BRSK2: variants seen among roughly 807,000 people sequenced by gnomAD.
BRSK2 encodes the protein BR serine/threonine kinase 2, also known as serine/threonine-protein kinase BRSK2.
Under a neutral mutation model 83.3 loss-of-function variants are expected in BRSK2, and 19 were observed. The ratio of observed to expected loss-of-function variants is 0.23; its 90% CI spans 0.16 to 0.33. BRSK2 has a LOEUF of 0.33. Ranked by LOEUF, BRSK2 falls within the 10% of genes least tolerant of loss-of-function variation. The pLI, the probability that BRSK2 is intolerant of heterozygous loss-of-function variation, is 1.00. For synonymous variants in BRSK2, 519 were observed against 435.4 expected (o/e 1.19, Z -2.39); for missense variants, 798 against 1,042.3 (o/e 0.77, Z 3.23).
chr11:1,434,078 G>A (rs1849949669), intron 1 of BRSK2, among the ~76,000 whole-genome samples: 1 of 152,254 alleles, frequency 6.6e-6, no homozygotes, highest in Non-Finnish European at 1.5e-5. Flanking sequence ...AAAATCAAAG[G>A]GCTCTTGCAA....
intron 1 of BRSK2, among the ~76,000 whole-genome samples, chr11:1,395,596 T>TG (rs1359042023): frequency 1.3e-5 from 2 of 152,204 alleles, no homozygotes; most frequent in Non-Finnish European, 2.9e-5. Context: ...GCCCTTGTCC[T>TG]GTCCCCACCC....
At chr11:1,443,949 T>C (rs569956281) in intron 8 of BRSK2, among the ~76,000 whole-genome samples, 35 of 152,050 alleles carry the variant, frequency 2.3e-4, no homozygotes, top group African/African-American at 7.2e-4. Context: ...CATGCCCAGG[T>C]GTGTGTTCAA....
intron 1 of BRSK2, among the ~76,000 whole-genome samples, chr11:1,392,040 GC>G (rs1262031267): frequency 1.3e-5 from 2 of 152,210 alleles, no homozygotes; most frequent in Non-Finnish European, 2.9e-5. Flanking sequence ...GCACAAAGCG[GC>G]CCCTCTCTCC....
At chr11:1,447,638 C>T (rs998640472) in intron 12 of BRSK2, among the ~76,000 whole-genome samples, 6 of 152,252 alleles carry the variant, frequency 3.9e-5, no homozygotes, top group East Asian at 1.9e-4. Flanking sequence ...TCACACGGTG[C>T]GGGGTGTGCT....
intron 1 of BRSK2, among the ~76,000 whole-genome samples, chr11:1,434,510 G>A (rs756549262): frequency 3.6e-5 from 5 of 138,000 alleles, no homozygotes; most frequent in Non-Finnish European, 7.7e-5. Flanking sequence ...AACCTGGGCC[G>A]GCTCTGGGTG....
In BRSK2 at chr11:1,442,481, C is replaced by T. The variant is rs1851479480; in HGVS notation, c.414-9C>T. ...TGGCCCTGTTCAGCCTCACCACCCT[C>T]CTCCCCAGCCACAGGGATCTGAAAC... is the stretch of plus-strand genomic sequence containing the variant. On this transcript the variant is annotated splice_polypyrimidine_tract_variant and intron_variant, in intron 4 of 19. Coordinates refer to ENST00000528841, the MANE Select transcript of BRSK2 (RefSeq NM_001256627.2). The T allele has an allele frequency of 1.2e-6, 2 of 1,609,274 alleles. No homozygotes were observed. Among genetic ancestry groups the T allele is most frequent in the Admixed American group, 1.7e-5 (1 of 59,948 alleles).
intron 1 of BRSK2, among the ~76,000 whole-genome samples, chr11:1,402,588 G>T (rs1846554888): frequency 1.3e-5 from 2 of 152,218 alleles, no homozygotes; most frequent in Non-Finnish European, 2.9e-5. Flanking sequence ...GACTCCTCCT[G>T]GGGGGTGAGG....
intron 1 of BRSK2, among the ~76,000 whole-genome samples, chr11:1,433,089 C>T (rs1394650796): frequency 1.9e-5 from 2 of 105,668 alleles, no homozygotes; most frequent in East Asian, 4.6e-4. Context: ...GCCTCTTCTG[C>T]GGTCTGGTCA....
chr11:1,426,527 C>T (rs1436826143), intron 1 of BRSK2, among the ~76,000 whole-genome samples: 2 of 152,162 alleles, frequency 1.3e-5, no homozygotes, highest in Admixed American at 6.5e-5. Context: ...GGGTCTGTCC[C>T]CGCAAATGTA....
In BRSK2 at chr11:1,390,735, C is replaced by T. The variant is rs993225405; in HGVS notation, c.91+360C>T. On this transcript the variant is annotated intron_variant, in intron 1 of 19. Coordinates refer to ENST00000528841, the MANE Select transcript of BRSK2 (RefSeq NM_001256627.2). The surrounding 1 kb of genome is among the most constrained non-coding windows in gnomAD (Gnocchi z 6.8). ...CCATTGTGCCGCGGGAGGAGGGGGC[C>T]GCGCGGGCGCCCATCTGCCGTCTGC... 6.6e-6 allele frequency among the ~76,000 whole-genome samples: 1 copy of T among 151,300 alleles called. No homozygotes were observed. Among genetic ancestry groups the T allele is most frequent in the Admixed American group, 6.6e-5 (1 of 15,212 alleles).
Position 1,450,798 on chromosome 11 carries a change from A to T in BRSK2, c.1495+4A>T. 1.3e-6 allele frequency: 2 copies of T among 1,589,298 alleles called. No individual in the cohort carries two copies. Among genetic ancestry groups the T allele is most frequent in the South Asian group, 1.1e-5 (1 of 88,206 alleles). Reference sequence around the variant, plus strand: ...TTCCACCGCCGGAAACTGCAAGGTGAGTGTCTGCCCGGAGGCGCCAGAGTG... The same window carrying T: ...TTCCACCGCCGGAAACTGCAAGGTGTGTGTCTGCCCGGAGGCGCCAGAGTG... On this transcript the variant is annotated splice_donor_region_variant and intron_variant, in intron 14 of 19. Coordinates refer to ENST00000528841, the MANE Select transcript of BRSK2 (RefSeq NM_001256627.2).
At chr11:1,416,894 C>T (rs1004048823) in intron 1 of BRSK2, among the ~76,000 whole-genome samples, 4 of 152,138 alleles carry the variant, frequency 2.6e-5, no homozygotes, top group Non-Finnish European at 5.9e-5. Context: ...GGCGCGGTGG[C>T]TCATGCCTGT....
rs575763691 is a variant in BRSK2, at chr11:1,423,041, G to C, written c.92-12999G>C. On this transcript the variant is annotated intron_variant, in intron 1 of 19. Coordinates refer to ENST00000528841, the MANE Select transcript of BRSK2 (RefSeq NM_001256627.2). This position sits in a 1 kb window ranked among gnomAD's most constrained non-coding sequence, Gnocchi z 6.5. Reference sequence around the variant, plus strand: ...ATCAAGGGGAGGGCAATGCAGCTTGGGAGCCTTAGCTCAGCCAGACAGCAG... The same window carrying C: ...ATCAAGGGGAGGGCAATGCAGCTTGCGAGCCTTAGCTCAGCCAGACAGCAG... 2.6e-5 allele frequency among the ~76,000 whole-genome samples: 4 copies of C among 152,314 alleles called. No individual in the cohort carries two copies. The highest frequency in any genetic ancestry group is 2.0e-4 in the Admixed American group (3 of 15,306).
At chr11:1,433,774 G>A (rs919287785) in intron 1 of BRSK2, among the ~76,000 whole-genome samples, 1 of 152,238 alleles carries the variant, frequency 6.6e-6, no homozygotes, top group Non-Finnish European at 1.5e-5. Flanking sequence ...AGGCCTTCAG[G>A]GAGAAGCAGC....
At chr11:1,428,927 T>G (rs1849568698) in intron 1 of BRSK2, among the ~76,000 whole-genome samples, 1 of 144,502 alleles carries the variant, frequency 6.9e-6, no homozygotes. Flanking sequence ...GCACTGGAGG[T>G]GTGTACTGGG....
In BRSK2 at chr11:1,456,413, G is replaced by A; in HGVS notation, c.1734G>A (p.Gly578=). 6.2e-7 allele frequency: 1 copy of A among 1,600,814 alleles called. No individual in the cohort carries two copies. The highest frequency in any genetic ancestry group is 1.3e-5 in the African/African-American group (1 of 74,598). ...TCCGGGCCGAGTACAAGGCCACGGGGGGGCCAGCCGTGTTCCAGAAGCCGG... is the reference window on the plus strand; with the variant it reads ...TCCGGGCCGAGTACAAGGCCACGGGAGGGCCAGCCGTGTTCCAGAAGCCGG... The part of the protein sequence containing the change: ...TSFRAEYKAT[G]GPAVFQKPVK... Residue 578 remains glycine, a synonymous_variant, in exon 17 of 20, where the codon GGG becomes GGA. Transcript: ENST00000528841.
intron 1 of BRSK2, among the ~76,000 whole-genome samples, chr11:1,404,886 G>C (rs887466497): frequency 1.1e-4 from 16 of 152,104 alleles, no homozygotes; most frequent in African/African-American, 3.9e-4. Flanking sequence ...CTGTGGGAGG[G>C]TGGCCGCAGG....
At chr11:1,451,069 AG>A (rs1845762616) in intron 14 of BRSK2, among the ~76,000 whole-genome samples, 1 of 152,154 alleles carries the variant, frequency 6.6e-6, no homozygotes, top group Non-Finnish European at 1.5e-5. Context: ...CTGGCCACCG[AG>A]GGGGCACTGC....
chr11:1,421,094 G>C (rs1315172793), intron 1 of BRSK2, among the ~76,000 whole-genome samples: 1 of 152,188 alleles, frequency 6.6e-6, no homozygotes, highest in Non-Finnish European at 1.5e-5. Context: ...CTGCCTGTGG[G>C]CTCCTGGCTT....
Sources: gnomAD v4.1 joint callset for allele counts (sites outside exome capture counted in the v4.1 genomes callset) on GRCh38, gnomAD v4.1.1 for gene constraint, Gnocchi (gnomAD v3.1) non-coding constraint, MANE v1.5 for transcripts, NCBI Gene and HGNC (gene_info 2026-07-23, HGNC 2026-07-21) for gene names.